Variants in MED21 observed in about 807,000 individuals in gnomAD.
MED21 encodes the protein mediator of RNA polymerase II transcription subunit 21.
A neutral mutation model predicts 18.2 loss-of-function variants in MED21; 9 were observed. That is an observed-to-expected ratio of 0.49 (90% CI 0.30 to 0.86). MED21 has a LOEUF of 0.86. Ranked by LOEUF, MED21 falls within the 40% of genes least tolerant of loss-of-function variation. The pLI is 0.07. For synonymous variants in MED21, 73 were observed against 60.5 expected, an observed-to-expected ratio of 1.21 and a Z score of -0.96; for missense variants, 150 against 170.9, an observed-to-expected ratio of 0.88 and a Z score of 0.68.
chr12:27,029,757 G>C lies in MED21; in HGVS notation c.*1296G>C. 2 of 983,924 alleles carry C rather than the reference G, an allele frequency of 2.0e-6. No homozygotes were observed. Among genetic ancestry groups the C allele is most frequent in the Non-Finnish European group, 2.4e-6 (2 of 828,360 alleles). The allele number at this position is 983,924 out of a possible 1,614,324, so 60.9% of individuals were successfully genotyped here. On this transcript the variant is annotated 3_prime_UTR_variant, in exon 4 of 4. Coordinates refer to ENST00000282892, the MANE Select transcript of MED21 (RefSeq NM_004264.5). ...AAAACACTTTGCTATCAGATATTTG[G>C]CATAAATCTGTACTCTTCATTATAG...
At chr12:27,031,957 G>C (rs1405202363), downstream of MED21, among the ~76,000 whole-genome samples, 4 of 152,184 alleles carry the variant, frequency 2.6e-5, no homozygotes, top group Non-Finnish European at 5.9e-5. Context: ...TGTTGGATTA[G>C]GGGGTTCTCA....
intron 1 of MED21, among the ~76,000 whole-genome samples, chr12:27,025,010 A>G (rs1007173581): frequency 1.3e-5 from 2 of 152,198 alleles, no homozygotes; most frequent in South Asian, 4.1e-4. Flanking sequence ...TGTCGCATTC[A>G]CTATGTCTCT....
chr12:27,032,701 AC>A (rs2136494602), downstream of MED21, among the ~76,000 whole-genome samples: 1 of 152,278 alleles, frequency 6.6e-6, no homozygotes, highest in East Asian at 1.9e-4. Flanking sequence ...ACCTTCATTT[AC>A]CTATGATAAA....
downstream of MED21, among the ~76,000 whole-genome samples, chr12:27,031,865 G>A (rs1315291819): frequency 6.6e-6 from 1 of 152,126 alleles, no homozygotes; most frequent in Non-Finnish European, 1.5e-5. Context: ...GCTAAATGAG[G>A]TTATTGTAGT....
downstream of MED21, among the ~76,000 whole-genome samples, chr12:27,031,980 A>T (rs546518023): frequency 1.3e-5 from 2 of 152,168 alleles, no homozygotes; most frequent in South Asian, 4.2e-4. Context: ...GCCAAAATGG[A>T]TTTATCAGCA....
chr12:27,023,817 A>G (rs1295356194), intron 1 of MED21, among the ~76,000 whole-genome samples: 1 of 151,880 alleles, frequency 6.6e-6, no homozygotes, highest in East Asian at 1.9e-4. Flanking sequence ...TTTTTGTTTT[A>G]ATAAGTAGAA....
At chr12:27,022,792 G>C in intron 1 of MED21, 171 bp downstream of exon 1, 1 of 1,521,224 alleles carries the variant, frequency 6.6e-7, no homozygotes. Context: ...GTTTGAGGCC[G>C]GCTGCCGGGC....
rs189910297 is a variant in MED21, at chr12:27,028,716, G to A, written c.*255G>A. 3 of 1,124,402 alleles carry A rather than the reference G, an allele frequency of 2.7e-6. No homozygotes were observed. In the Admixed American group the frequency reaches 1.3e-4, roughly 49 times the overall value. The allele number at this position is 1,124,402 out of a possible 1,614,324, so 69.7% of individuals were successfully genotyped here. On this transcript the variant is annotated 3_prime_UTR_variant, in exon 4 of 4. Coordinates refer to ENST00000282892, the MANE Select transcript of MED21 (RefSeq NM_004264.5). Reference sequence around the variant, plus strand: ...TTATTAAGGCATGTAATACATTAATGAACATAATATAAGGAAACATATGTA... The same window carrying A: ...TTATTAAGGCATGTAATACATTAATAAACATAATATAAGGAAACATATGTA...
downstream of MED21, among the ~76,000 whole-genome samples, chr12:27,034,082 T>G (rs1347191105): frequency 6.6e-6 from 1 of 152,190 alleles, no homozygotes; most frequent in Non-Finnish European, 1.5e-5. Flanking sequence ...ATTTAAATGG[T>G]CCTTTAAATC....
At chr12:27,033,326 A>G (rs760134275), downstream of MED21, among the ~76,000 whole-genome samples, 71 of 152,310 alleles carry the variant, frequency 4.7e-4, no homozygotes, top group Non-Finnish European at 7.8e-4. Context: ...TAGAAGAAGC[A>G]AGGGAAACTC....
At chr12:27,023,911 C>T (rs978736088) in intron 1 of MED21, among the ~76,000 whole-genome samples, 5 of 152,096 alleles carry the variant, frequency 3.3e-5, no homozygotes, top group African/African-American at 1.2e-4. Flanking sequence ...TCATGGACTG[C>T]ACATAATTGT....
At chr12:27,028,237 GCTT>G (rs1464626941) in intron 3 of MED21, 45 bp from the exon 4 acceptor site, 31 of 1,504,116 alleles carry the variant, frequency 2.1e-5, no homozygotes, top group Non-Finnish European at 2.8e-5. Flanking sequence ...ATCTGTGACA[GCTT>G]CTCTTTCTAA....
intron 3 of MED21, 106 bp downstream of exon 3, chr12:27,027,553 C>G: frequency 1.4e-6 from 1 of 730,772 alleles, no homozygotes; most frequent in East Asian, 2.6e-5. Context: ...GCTATAACAA[C>G]ATACCTGAGA....
rs552261877 is a variant in MED21 at position 27,030,098 on chromosome 12, G to A, written c.*1637G>A. On this transcript the variant is annotated 3_prime_UTR_variant, in exon 4 of 4. Coordinates refer to ENST00000282892, the MANE Select transcript of MED21 (RefSeq NM_004264.5). ...AAGAAAAAAATTAACGTTGTTGTAT[G>A]TGATTCTCTGTAGAGGATATACAGT... is the stretch of plus-strand genomic sequence containing the variant. The A allele has an allele frequency of 1.8e-5, 9 of 512,676 alleles. No homozygotes were observed. Among genetic ancestry groups the A allele is most frequent in the African/African-American group, 1.7e-4 (9 of 51,698 alleles). 31.8% of individuals were successfully genotyped at this position (512,676 alleles called of 1,614,324 possible). A position where few individuals can be genotyped will look rare whatever the true frequency, so the allele number is the denominator to read the frequency against.
At chr12:27,038,789 A>G (rs886347753) in intron 2 of MED21, 5 of 152,256 alleles carry the variant, frequency 3.3e-5, no homozygotes, top group African/African-American at 1.2e-4. Flanking sequence ...ATATGCCATT[A>G]CATTAAAGTC....
At position 27,030,307 on chromosome 12, in the gene MED21, CTTTTTTTTTTA is replaced by C; in HGVS notation, c.*1847_*1857del. 2.5e-6 allele frequency: 1 copy of C among 402,432 alleles called. No homozygotes were observed. 24.9% of individuals were successfully genotyped at this position (402,432 alleles called of 1,614,324 possible). On this transcript the variant is annotated 3_prime_UTR_variant, in exon 4 of 4. Coordinates refer to ENST00000282892, the MANE Select transcript of MED21 (RefSeq NM_004264.5). ...ACCACGTCCAGCTAATTTTTTTTTT[CTTTTTTTTTTA>C]GAGATGGGGTCTCACTCTGTTGCCC...
chr12:27,032,223 G>T (rs375465883), downstream of MED21, among the ~76,000 whole-genome samples: 4 of 152,158 alleles, frequency 2.6e-5, no homozygotes, highest in South Asian at 4.1e-4. Context: ...TGATGTCTTT[G>T]AATACAGGTG....
At chr12:27,036,242 A>C (rs1177961435) in intron 2 of MED21, among the ~76,000 whole-genome samples, 1 of 152,192 alleles carries the variant, frequency 6.6e-6, no homozygotes, top group Non-Finnish European at 1.5e-5. Flanking sequence ...TCTTCTTTTG[A>C]GAAGTGTCTG....
At chr12:27,035,155 A>T (rs1482400909), downstream of MED21, among the ~76,000 whole-genome samples, 2 of 152,158 alleles carry the variant, frequency 1.3e-5, no homozygotes, top group Non-Finnish European at 2.9e-5. Flanking sequence ...GCGGTGAGCC[A>T]TGATCATGAC....
Sources: allele counts gnomAD v4.1 joint callset (sites outside exome capture counted in the v4.1 genomes callset), GRCh38; gene constraint gnomAD v4.1.1; transcripts MANE v1.5; gene names NCBI Gene and HGNC (gene_info 2026-07-23, HGNC 2026-07-21).